The following JAZF1 variants were observed in gnomAD, a reference collection of about 807,000 sequenced individuals.
JAZF1 encodes the protein JAZF zinc finger 1, also known as juxtaposed with another zinc finger protein 1.
In JAZF1, 8 loss-of-function variants were observed where a neutral mutation model predicts 26.4. That is an observed-to-expected ratio of 0.30 (90% CI 0.18 to 0.55). The LOEUF (loss-of-function observed/expected upper bound fraction) is 0.55. Ranked by LOEUF, JAZF1 falls within the 20% of genes least tolerant of loss-of-function variation. JAZF1 has a pLI of 0.94. For missense variants in JAZF1, 199 were observed against 322.0 expected (o/e 0.62, Z 2.92); for synonymous variants, 126 against 122.3 (o/e 1.03, Z -0.20).
intron 2 of JAZF1, among the ~76,000 whole-genome samples, chr7:27,949,161 T>C (rs1784967688): frequency 6.6e-6 from 1 of 152,144 alleles, no homozygotes; most frequent in South Asian, 2.1e-4. Context: ...AGAACAATAA[T>C]ACTGACATCT....
At chr7:28,157,660 G>A (rs1783208910) in intron 1 of JAZF1, among the ~76,000 whole-genome samples, 1 of 152,140 alleles carries the variant, frequency 6.6e-6, no homozygotes. Flanking sequence ...CAGCTTCGTG[G>A]AGGAGACATA....
chr7:28,143,679 G>C (rs559766058), intron 1 of JAZF1, among the ~76,000 whole-genome samples: 5 of 152,308 alleles, frequency 3.3e-5, no homozygotes, highest in African/African-American at 1.2e-4. Flanking sequence ...TGGAGCTATA[G>C]ACAGATCCTT....
intron 1 of JAZF1, among the ~76,000 whole-genome samples, chr7:28,068,288 G>A (rs1488750756): frequency 6.6e-6 from 1 of 151,468 alleles, no homozygotes; most frequent in Non-Finnish European, 1.5e-5. Context: ...GGGCTAGGAG[G>A]TAAACAATAT....
At chr7:27,986,932 C>T (rs929221226) in intron 2 of JAZF1, among the ~76,000 whole-genome samples, 9 of 152,182 alleles carry the variant, frequency 5.9e-5, no homozygotes, top group Admixed American at 5.2e-4. Context: ...GCCAGGATTG[C>T]AGACGGAGTC....
intron 3 of JAZF1, among the ~76,000 whole-genome samples, chr7:27,860,146 T>A (rs1396394328): frequency 2.6e-5 from 4 of 152,252 alleles, no homozygotes; most frequent in African/African-American, 9.6e-5. Context: ...CTTAAATGTA[T>A]GATAGCTCAC....
At chr7:27,892,634 C>T (rs569005145) in intron 3 of JAZF1, among the ~76,000 whole-genome samples, 1 of 152,046 alleles carries the variant, frequency 6.6e-6, no homozygotes, top group East Asian at 1.9e-4. Context: ...AAGAGGATTG[C>T]GGAATTACAC....
At chr7:27,854,505 AAT>A (rs1783208770) in intron 3 of JAZF1, among the ~76,000 whole-genome samples, 1 of 152,172 alleles carries the variant, frequency 6.6e-6, no homozygotes, top group Admixed American at 6.5e-5. Context: ...AGTGGCTGGT[AAT>A]AGTTTTTCCT....
intron 3 of JAZF1, among the ~76,000 whole-genome samples, chr7:27,880,643 G>A (rs1783753111): frequency 6.6e-6 from 1 of 152,056 alleles, no homozygotes; most frequent in South Asian, 2.1e-4. Flanking sequence ...GGGATGGTGG[G>A]GAAAGGTTAA....
intron 1 of JAZF1, among the ~76,000 whole-genome samples, chr7:28,009,985 C>T (rs1054646250): frequency 1.3e-5 from 2 of 152,174 alleles, no homozygotes; most frequent in South Asian, 4.1e-4. Context: ...CATAGAAGAT[C>T]ATTTGCAATT....
chr7:27,858,235 C>A (rs1783307698), intron 3 of JAZF1, among the ~76,000 whole-genome samples: 1 of 152,094 alleles, frequency 6.6e-6, no homozygotes, highest in African/African-American at 2.4e-5. Flanking sequence ...TAGGAGAGGA[C>A]ACAAACAAAT....
chr7:28,014,420 T>G lies in JAZF1; in HGVS notation c.116-22439A>C, dbSNP rs543445825. Among the ~76,000 whole-genome samples, 3 of 152,336 alleles carry G rather than the reference T, an allele frequency of 2.0e-5. No homozygotes were observed. The South Asian group carries it at 6.2e-4, about 32-fold the overall frequency. On this transcript the variant is annotated intron_variant, in intron 1 of 4. Coordinates refer to ENST00000283928, the MANE Select transcript of JAZF1 (RefSeq NM_175061.4). ...AATCTCATCTTGAATTCCCATGTGT[T>G]GTGGGACGGACCTGGTGGGAGGTAA...
chr7:27,989,608 C>T (rs535112506), intron 2 of JAZF1, among the ~76,000 whole-genome samples: 1 of 152,242 alleles, frequency 6.6e-6, no homozygotes, highest in East Asian at 1.9e-4. Flanking sequence ...ACAACCCTAT[C>T]AAAAAGTGGG....
At chr7:27,838,019 T>TC (rs1202080347) in intron 4 of JAZF1, among the ~76,000 whole-genome samples, 4 of 151,866 alleles carry the variant, frequency 2.6e-5, no homozygotes, top group African/African-American at 4.8e-5. Context: ...TTTTTTTTTT[T>TC]TTTCTTTTTT....
chr7:28,173,873 C>T (rs1310961579), intron 1 of JAZF1, among the ~76,000 whole-genome samples: 4 of 121,600 alleles, frequency 3.3e-5, no homozygotes, highest in African/African-American at 1.3e-4. Flanking sequence ...CTGCTTGCAG[C>T]TAGCTTTAAA....
chr7:27,996,616 A>G (rs1786022716), intron 1 of JAZF1, among the ~76,000 whole-genome samples: 1 of 152,224 alleles, frequency 6.6e-6, no homozygotes, highest in Admixed American at 6.5e-5. Context: ...GTGAAGCCAC[A>G]GAGTTGTAGA....
At chr7:28,131,790 C>T (rs373783397) in intron 1 of JAZF1, among the ~76,000 whole-genome samples, 1 of 152,278 alleles carries the variant, frequency 6.6e-6, no homozygotes, top group East Asian at 1.9e-4. Context: ...GAAAACTGGG[C>T]TGTTACTTTG....
chr7:28,009,763 G>T (rs1386432909), intron 1 of JAZF1, among the ~76,000 whole-genome samples: 4 of 152,284 alleles, frequency 2.6e-5, no homozygotes, highest in Middle Eastern at 3.4e-3. Flanking sequence ...GATCACAGGC[G>T]TGAGCCACCA....
chr7:27,976,418 G>A (rs1785473868), intron 2 of JAZF1, among the ~76,000 whole-genome samples: 1 of 149,986 alleles, frequency 6.7e-6, no homozygotes, highest in South Asian at 2.1e-4. Context: ...TCAAATTACA[G>A]ATATTACAAG....
rs115276789 is a variant in JAZF1, at chr7:28,018,133, T to G, written c.116-26152A>C. On this transcript the variant is annotated intron_variant, in intron 1 of 4. Transcript: ENST00000283928. ...AAAAGCCTTTCCATGGAGATGATGT[T>G]CCAGCCAAGACAGGAAGGGGTAGAA... Among the ~76,000 whole-genome samples, 448 of 152,238 alleles carry G rather than the reference T, an allele frequency of 2.9e-3. 1 individual carries two copies. The highest frequency in any genetic ancestry group is 1.0e-2 in the African/African-American group (414 of 41,522).
Sources: gnomAD v4.1 joint callset for allele counts (sites outside exome capture counted in the v4.1 genomes callset) on GRCh38, gnomAD v4.1.1 for gene constraint, MANE v1.5 for transcripts, NCBI Gene and HGNC (gene_info 2026-07-23, HGNC 2026-07-21) for gene names.